The following ERN1 variants were observed in gnomAD, a reference collection of about 807,000 sequenced individuals.
The protein encoded by ERN1 is serine/threonine-protein kinase/endoribonuclease IRE1.
Under a neutral mutation model 113.1 loss-of-function variants are expected in ERN1, and 39 were observed. That is an observed-to-expected ratio of 0.34 (90% CI 0.27 to 0.45). The LOEUF is 0.45. ERN1 is among the 20% of genes least tolerant of loss of function. The pLI, the probability that ERN1 is intolerant of heterozygous loss-of-function variation, is 1.00. For synonymous variants in ERN1, 507 were observed against 515.9 expected, an observed-to-expected ratio of 0.98 and a Z score of 0.23; for missense variants, 976 against 1,274.8, an observed-to-expected ratio of 0.77 and a Z score of 3.57.
chr17:64,073,889 C>T (rs1324686569), intron 5 of ERN1, among the ~76,000 whole-genome samples: 1 of 152,226 alleles, frequency 6.6e-6, no homozygotes, highest in Non-Finnish European at 1.5e-5. Context: ...AGCAAACCTC[C>T]TGCCTCACCC....
intron 1 of ERN1, among the ~76,000 whole-genome samples, chr17:64,114,059 A>G (rs1914741965): frequency 7.0e-6 from 1 of 143,658 alleles, no homozygotes; most frequent in African/African-American, 2.7e-5. Flanking sequence ...CTGTAATAAG[A>G]AGGTAAATGC....
Position 64,044,932 on chromosome 17 carries a change from A to C in ERN1, c.2654-5T>G, listed in dbSNP as rs756111954. 6.3e-7 allele frequency: 1 copy of C among 1,580,932 alleles called. No individual in the cohort carries two copies. ...AGGTCCTGAATTTACGCAGGTCTAGAAAAACATTGAGGGAAGCAATGGGTA... is the reference window on the plus strand; with the variant it reads ...AGGTCCTGAATTTACGCAGGTCTAGCAAAACATTGAGGGAAGCAATGGGTA... On this transcript the variant is annotated splice_region_variant and splice_polypyrimidine_tract_variant and intron_variant, in intron 20 of 21. Transcript: ENST00000433197. This position sits in a 1 kb window ranked among gnomAD's most constrained non-coding sequence, Gnocchi z 4.1.
intron 2 of ERN1, among the ~76,000 whole-genome samples, chr17:64,088,623 T>C (rs553899472): frequency 1.3e-4 from 20 of 152,292 alleles, no homozygotes; most frequent in African/African-American, 3.6e-4. Flanking sequence ...AACTGTCAGA[T>C]ATCTGCTTCA....
In ERN1 at chr17:64,045,440, T is replaced by A; in HGVS notation, c.2572A>T (p.Ile858Phe). Reference sequence around the variant, plus strand: ...CCGCCTCTCTCTAACTGCTTCACGATCGGGCCATCCAGGGATTCCTTTTCT... The same window carrying A: ...CCGCCTCTCTCTAACTGCTTCACGAACGGGCCATCCAGGGATTCCTTTTCT... Reference protein sequence around the residue: ...RIEKESLDGPIVKQLERGGRA... With the variant: ...RIEKESLDGPFVKQLERGGRA... The change falls in exon 20 of 22, where the codon ATC (isoleucine) becomes TTC (phenylalanine). Residue 858 changes from isoleucine to phenylalanine, a missense_variant. By Grantham distance (21) the Ile-to-Phe change is conservative. Around this residue, in one of 5 missense-constraint regions of ERN1, gnomAD observed 297 missense variants for 457.8 expected, o/e 0.65. Transcript: ENST00000433197. The A allele has an allele frequency of 6.2e-7, 1 of 1,613,992 alleles. No homozygotes were observed. The highest frequency in any genetic ancestry group is 8.5e-7 in the Non-Finnish European group (1 of 1,179,878).
intron 1 of ERN1, among the ~76,000 whole-genome samples, chr17:64,123,675 C>T (rs1306788464): frequency 6.6e-6 from 1 of 151,926 alleles, no homozygotes; most frequent in Non-Finnish European, 1.5e-5. Flanking sequence ...GAATCTATCT[C>T]CAGGAAATAA....
rs757740449 is a variant in ERN1, at chr17:64,049,007, T to C, written c.2401+48A>G. On this transcript the variant is annotated intron_variant, in intron 18 of 21. Coordinates refer to ENST00000433197, the MANE Select transcript of ERN1 (RefSeq NM_001433.5). This position sits in a 1 kb window ranked among gnomAD's most constrained non-coding sequence, Gnocchi z 4.7. ...ACCAGCCCAGCTCTGCAGGGCCACC[T>C]GAGGCAGCTGAGGAGCTGCTCCCAA... is the stretch of plus-strand genomic sequence containing the variant. 6.7e-7 allele frequency: 1 copy of C among 1,497,216 alleles called. No homozygotes were observed. Among genetic ancestry groups the C allele is most frequent in the Non-Finnish European group, 9.0e-7 (1 of 1,113,028 alleles). 92.7% of individuals were successfully genotyped at this position (1,497,216 alleles called of 1,614,324 possible).
At chr17:64,048,796 G>A (rs1427336685) in intron 18 of ERN1, among the ~76,000 whole-genome samples, 1 of 108,234 alleles carries the variant, frequency 9.2e-6, no homozygotes, top group African/African-American at 2.5e-5. Flanking sequence ...TCTCCAAAGG[G>A]GGCTTTGCCT....
intron 17 of ERN1, among the ~76,000 whole-genome samples, chr17:64,052,570 G>GA (rs1567862051): frequency 7.3e-5 from 11 of 151,096 alleles, no homozygotes; most frequent in African/African-American, 2.7e-4. Flanking sequence ...GAAGAATAGG[G>GA]AAAAAAAATA....
At chr17:64,110,253 C>T (rs1391335653) in intron 1 of ERN1, among the ~76,000 whole-genome samples, 4 of 151,996 alleles carry the variant, frequency 2.6e-5, no homozygotes, top group Non-Finnish European at 4.4e-5. Flanking sequence ...TATATACTTA[C>T]GGTGTACAAC....
Position 64,125,166 on chromosome 17 carries a change from T to C in ERN1, c.54+4810A>G, listed in dbSNP as rs145621050. ...TCAATAAAATTGTTTAAAATCTTCA[T>C]AGAGGTAATGTTTGGAAAATAAGAT... is the stretch of plus-strand genomic sequence containing the variant. On this transcript the variant is annotated intron_variant, in intron 1 of 21. Coordinates refer to ENST00000433197, the MANE Select transcript of ERN1 (RefSeq NM_001433.5). 1.6e-3 allele frequency among the ~76,000 whole-genome samples: 240 copies of C among 152,352 alleles called. 1 individual carries two copies. The highest frequency in any genetic ancestry group is 5.7e-3 in the African/African-American group (235 of 41,584).
chr17:64,107,796 A>G (rs1176009648), intron 1 of ERN1, among the ~76,000 whole-genome samples: 3 of 152,246 alleles, frequency 2.0e-5, no homozygotes, highest in African/African-American at 7.2e-5. Context: ...GAACTGAATT[A>G]AAACATCAGC....
In ERN1 at chr17:64,098,200, C is replaced by G; in HGVS notation, c.96G>C (p.Leu32Phe). ...STSTVTLPET[L>F]LFVSTLDGSL... ...TTCCATCCAGCGTTGACACAAACAA[C>G]AAGGTTTCAGGAAGCGTCACTGTGC... Residue 32 changes from leucine (L) to phenylalanine (F), a missense_variant, in exon 2 of 22, where the codon TTG becomes TTC. Coordinates refer to ENST00000433197, the MANE Select transcript of ERN1 (RefSeq NM_001433.5). 6.2e-7 allele frequency: 1 copy of G among 1,613,942 alleles called. No homozygotes were observed.
chr17:64,085,044 A>G (rs2088033), intron 2 of ERN1, among the ~76,000 whole-genome samples: 64,070 of 152,066 alleles, frequency 0.42, 18,157 homozygotes, highest in African/African-American at 0.81. Context: ...CTTAATGCCC[A>G]ACTCTGGCCA....
chr17:64,047,969 A>G lies in ERN1; in HGVS notation c.2418T>C (p.Arg806=), dbSNP rs772230648. Residue 806 remains arginine (R), a synonymous_variant, in exon 19 of 22, where the codon CGT becomes CGC. Transcript: ENST00000433197. ...TCGCAATCATCTTCTCTATCAATTC[A>G]CGTGCAATGACGTCTTCTATAAAGG... ...HPEKHEDVIA[R]ELIEKMIAMD... 1 of 1,612,518 alleles carries G rather than the reference A, an allele frequency of 6.2e-7. No homozygotes were observed. The highest frequency in any genetic ancestry group is 1.7e-5 in the Admixed American group (1 of 59,938).
chr17:64,066,256 G>C (rs1223556135), intron 8 of ERN1, among the ~76,000 whole-genome samples: 1 of 152,118 alleles, frequency 6.6e-6, no homozygotes, highest in Non-Finnish European at 1.5e-5. Context: ...TACCACCTAA[G>C]ATAGATCCAA....
At position 64,075,259 on chromosome 17, in the gene ERN1, A is replaced by AAG. The variant is rs1913554700; in HGVS notation, c.283-13_283-12insCT. 6.7e-6 allele frequency: 10 copies of AAG among 1,491,518 alleles called. No individual in the cohort carries two copies. The highest frequency in any genetic ancestry group is 6.2e-6 in the Non-Finnish European group (7 of 1,127,132). 92.4% of individuals were successfully genotyped at this position (1,491,518 alleles called of 1,614,324 possible). Reference sequence around the variant, plus strand: ...GTAAAAGGAAGTTTCTTTAAAAAAAAAAAAAAAGAAAAAAAAAAGTTAACC... The same window carrying AAG: ...GTAAAAGGAAGTTTCTTTAAAAAAAAAGAAAAAAAGAAAAAAAAAAGTTAACC... On this transcript the variant is annotated splice_polypyrimidine_tract_variant and intron_variant, in intron 4 of 21. Transcript: ENST00000433197.
At chr17:64,072,547 G>A (rs1913452781) in intron 5 of ERN1, among the ~76,000 whole-genome samples, 1 of 152,248 alleles carries the variant, frequency 6.6e-6, no homozygotes, top group Admixed American at 6.5e-5. Flanking sequence ...CAGCCACCAT[G>A]TGAGAAGGAT....
chr17:64,106,045 T>C (rs2143471603), intron 1 of ERN1, among the ~76,000 whole-genome samples: 1 of 151,898 alleles, frequency 6.6e-6, no homozygotes, highest in South Asian at 2.1e-4. Context: ...TATCATACAA[T>C]ACCATGTGTA....
At chr17:64,104,948 G>T (rs561721564) in intron 1 of ERN1, among the ~76,000 whole-genome samples, 2 of 151,940 alleles carry the variant, frequency 1.3e-5, no homozygotes, top group African/African-American at 2.4e-5. Context: ...ACTTAACGAG[G>T]TTTATAATCT....
Sources: gnomAD v4.1 joint callset for allele counts (sites outside exome capture counted in the v4.1 genomes callset) on GRCh38, gnomAD v4.1.1 for gene constraint, gnomAD v4.1.1 regional missense constraint, Gnocchi (gnomAD v3.1) non-coding constraint, MANE v1.5 for transcripts, NCBI Gene and HGNC (gene_info 2026-07-23, HGNC 2026-07-21) for gene names.